The following KCND2 variants were observed in gnomAD, a reference collection of about 807,000 sequenced individuals.
KCND2 encodes A-type voltage-gated potassium channel KCND2.
In KCND2, 16 loss-of-function variants were observed where a neutral mutation model predicts 54.4. The ratio of observed to expected loss-of-function variants is 0.29; its 90% CI spans 0.20 to 0.45. The LOEUF (loss-of-function observed/expected upper bound fraction) is 0.45. Among genes scored for constraint, KCND2 ranks in the 20% least tolerant of loss-of-function variants. The probability of loss-of-function intolerance (pLI) is 1.00; values close to 1 mark genes in which losing one functional copy is unlikely to be tolerated. For missense variants in KCND2, 486 were observed against 824.2 expected (o/e 0.59, Z 5.02); for synonymous variants, 317 against 310.7 (o/e 1.02, Z -0.21).
intron 1 of KCND2, among the ~76,000 whole-genome samples, chr7:120,416,516 A>G (rs1801527451): frequency 6.6e-6 from 1 of 152,226 alleles, no homozygotes; most frequent in African/African-American, 2.4e-5. Context: ...TTAACAAGTA[A>G]GTGTGTATTG....
chr7:120,308,195 C>T (rs1249058951), intron 1 of KCND2, among the ~76,000 whole-genome samples: 1 of 152,000 alleles, frequency 6.6e-6, no homozygotes, highest in Non-Finnish European at 1.5e-5. Context: ...TCTCTCTTAG[C>T]CATATCCATA....
chr7:120,458,872 T>C (rs1310580985), intron 1 of KCND2, among the ~76,000 whole-genome samples: 1 of 150,588 alleles, frequency 6.6e-6, no homozygotes, highest in Non-Finnish European at 1.5e-5. Context: ...AGCATTATTA[T>C]TATTATGGAA....
chr7:120,596,529 C>T (rs559241433), intron 1 of KCND2, among the ~76,000 whole-genome samples: 1 of 152,180 alleles, frequency 6.6e-6, no homozygotes, highest in Non-Finnish European at 1.5e-5. Flanking sequence ...GGTTCTTAAT[C>T]TCCGTAAAGT....
intron 1 of KCND2, among the ~76,000 whole-genome samples, chr7:120,536,321 T>C (rs802376): frequency 0.066 from 10,098 of 152,062 alleles, 885 homozygotes; most frequent in East Asian, 0.45. Context: ...TGGTGGAGAG[T>C]CTTGCCTTGA....
chr7:120,685,911 A>G (rs916317509), intron 1 of KCND2, among the ~76,000 whole-genome samples: 2 of 152,130 alleles, frequency 1.3e-5, no homozygotes, highest in South Asian at 2.1e-4. Context: ...TTCTGCCTTT[A>G]TCTATGTCCC....
intron 1 of KCND2, among the ~76,000 whole-genome samples, chr7:120,458,790 C>T (rs1802238721): frequency 6.6e-6 from 1 of 151,508 alleles, no homozygotes; most frequent in African/African-American, 2.4e-5. Context: ...CATATCTAAT[C>T]CCCCAGGAAA....
intron 1 of KCND2, among the ~76,000 whole-genome samples, chr7:120,697,688 GGATAATGATAA>G (rs1420299667): frequency 6.6e-6 from 1 of 152,136 alleles, no homozygotes; most frequent in Non-Finnish European, 1.5e-5. Flanking sequence ...GAAGCTGTGG[GGATAATGATAA>G]GATAATGCTA....
intron 1 of KCND2, among the ~76,000 whole-genome samples, chr7:120,671,400 C>T (rs907467466): frequency 2.6e-5 from 4 of 152,060 alleles, no homozygotes; most frequent in African/African-American, 9.7e-5. Flanking sequence ...TGCTCCTCCC[C>T]TGCTATGTAG....
chr7:120,617,550 A>G (rs1255081050), intron 1 of KCND2, among the ~76,000 whole-genome samples: 1 of 152,202 alleles, frequency 6.6e-6, no homozygotes, highest in African/African-American at 2.4e-5. Flanking sequence ...GGGAATGTAA[A>G]TTAGTTCAGT....
At chr7:120,340,148 A>T (rs1347969710) in intron 1 of KCND2, among the ~76,000 whole-genome samples, 1 of 152,228 alleles carries the variant, frequency 6.6e-6, no homozygotes, top group Non-Finnish European at 1.5e-5. Flanking sequence ...CACTGTACCT[A>T]CTGGGTTCAA....
chr7:120,379,347 C>T (rs925678394), intron 1 of KCND2, among the ~76,000 whole-genome samples: 1 of 152,004 alleles, frequency 6.6e-6, no homozygotes, highest in Non-Finnish European at 1.5e-5. Context: ...TTGAGGGAAT[C>T]GTGGTACAGA....
chr7:120,743,186 A>T (rs1237048988), intron 4 of KCND2, among the ~76,000 whole-genome samples: 1 of 152,176 alleles, frequency 6.6e-6, no homozygotes, highest in African/African-American at 2.4e-5. Flanking sequence ...GGACCTCCTC[A>T]TTGGCAAATC....
intron 1 of KCND2, among the ~76,000 whole-genome samples, chr7:120,481,801 C>T (rs996024659): frequency 2.0e-5 from 3 of 152,176 alleles, no homozygotes; most frequent in Admixed American, 2.0e-4. Context: ...GGCACTAATT[C>T]TGCAGGCATG....
intron 1 of KCND2, among the ~76,000 whole-genome samples, chr7:120,363,794 A>G (rs915214714): frequency 6.6e-6 from 1 of 151,318 alleles, no homozygotes; most frequent in African/African-American, 2.4e-5. Flanking sequence ...CTACCCTTAC[A>G]CTCTTATCTG....
rs34803439 is a variant in KCND2 at position 120,701,240 on chromosome 7, T to TAAAAAA, written c.1116-31632_1116-31627dup. On this transcript the variant is annotated intron_variant, in intron 1 of 5. Coordinates refer to ENST00000331113, the MANE Select transcript of KCND2 (RefSeq NM_012281.3). Reference sequence around the variant, plus strand: ...TAGTTGAATGGCTGTAATGCCTAGCTAAAAAAAAAAAAAAAAAAAAAAAAA... The same window carrying TAAAAAA: ...TAGTTGAATGGCTGTAATGCCTAGCTAAAAAAAAAAAAAAAAAAAAAAAAAAAAAAA... Among the ~76,000 whole-genome samples, 48 of 55,138 alleles carry TAAAAAA rather than the reference T, an allele frequency of 8.7e-4. 2 individuals are homozygous for TAAAAAA. The highest frequency in any genetic ancestry group is 1.5e-3 in the African/African-American group (26 of 17,822). 36.2% of individuals were successfully genotyped at this position (55,138 alleles called of 152,430 possible).
intron 1 of KCND2, among the ~76,000 whole-genome samples, chr7:120,715,209 G>A (rs1269283824): frequency 6.6e-6 from 1 of 151,786 alleles, no homozygotes; most frequent in Non-Finnish European, 1.5e-5. Flanking sequence ...GACTGTTTCT[G>A]TCATCCCCAA....
At chr7:120,708,788 T>C (rs1157310753) in intron 1 of KCND2, among the ~76,000 whole-genome samples, 3 of 152,110 alleles carry the variant, frequency 2.0e-5, no homozygotes, top group Non-Finnish European at 4.4e-5. Flanking sequence ...GCTGGTCTTT[T>C]TTCATAGCAC....
intron 1 of KCND2, among the ~76,000 whole-genome samples, chr7:120,600,337 G>C (rs1792798954): frequency 6.6e-6 from 1 of 151,802 alleles, no homozygotes; most frequent in African/African-American, 2.4e-5. Flanking sequence ...TAATAATTTA[G>C]TTCTGCTCTT....
chr7:120,480,777 A>C (rs2116279449), intron 1 of KCND2, among the ~76,000 whole-genome samples: 1 of 152,310 alleles, frequency 6.6e-6, no homozygotes, highest in Admixed American at 6.5e-5. Context: ...TGTTCTTTAT[A>C]AGTTACCCAG....
Sources: allele counts gnomAD v4.1 joint callset (sites outside exome capture counted in the v4.1 genomes callset), GRCh38; gene constraint gnomAD v4.1.1; transcripts MANE v1.5; gene names NCBI Gene and HGNC (gene_info 2026-07-23, HGNC 2026-07-21).